Variants in PRKCI observed in about 807,000 individuals in gnomAD.
PRKCI encodes protein kinase C iota type.
PRKCI carries 43 observed loss-of-function variants against 84.0 expected under a neutral mutation model. The ratio of observed to expected loss-of-function variants is 0.51; its 90% CI spans 0.40 to 0.66. PRKCI has a LOEUF of 0.66. PRKCI is among the 30% of genes least tolerant of loss of function. The probability of loss-of-function intolerance (pLI) is 0.00; values close to 1 mark genes in which losing one functional copy is unlikely to be tolerated. For missense variants in PRKCI, 459 were observed against 745.6 expected, an observed-to-expected ratio of 0.62 and a Z score of 4.48; for synonymous variants, 216 against 234.4, an observed-to-expected ratio of 0.92 and a Z score of 0.72.
In PRKCI at chr3:170,300,765, A is replaced by G. The variant is rs184737988; in HGVS notation, c.1703+1655A>G. Among the ~76,000 whole-genome samples the G allele has an allele frequency of 3.3e-5, 5 of 150,678 alleles. No homozygotes were observed. In the South Asian group the frequency reaches 6.3e-4, roughly 19 times the overall value. On this transcript the variant is annotated intron_variant, in intron 17 of 17. Coordinates refer to ENST00000295797, the MANE Select transcript of PRKCI (RefSeq NM_002740.6). ...CCTCCAGCTTTTGAAGGTTGAATCA[A>G]TTTCTTAATTTCTAAATTGTAAAGC...
intron 12 of PRKCI, among the ~76,000 whole-genome samples, chr3:170,286,365 C>T (rs1333350480): frequency 6.6e-6 from 1 of 151,192 alleles, no homozygotes; most frequent in African/African-American, 2.4e-5. Flanking sequence ...GGATTTTTTT[C>T]TCATTTCAGA....
chr3:170,256,339 G>A (rs1378872466), intron 2 of PRKCI, among the ~76,000 whole-genome samples: 6 of 152,038 alleles, frequency 3.9e-5, no homozygotes, highest in African/African-American at 9.7e-5. Flanking sequence ...TTATGGCTTC[G>A]ATCTCATTAC....
At chr3:170,233,887 AT>A (rs1560166270) in intron 1 of PRKCI, among the ~76,000 whole-genome samples, 1 of 151,630 alleles carries the variant, frequency 6.6e-6, no homozygotes, top group Non-Finnish European at 1.5e-5. Context: ...TGCCTGGCTA[AT>A]TTTTGTATTT....
At chr3:170,232,668 ATGATTCTCG>A (rs943287244) in intron 1 of PRKCI, among the ~76,000 whole-genome samples, 1 of 151,966 alleles carries the variant, frequency 6.6e-6, no homozygotes, top group Non-Finnish European at 1.5e-5. Flanking sequence ...CTGGGCTCAA[ATGATTCTCG>A]TGAGTAGCTG....
chr3:170,297,238 T>C, intron 15 of PRKCI, 66 bp from the exon 16 acceptor site: 1 of 1,316,864 alleles, frequency 7.6e-7, no homozygotes, highest in Non-Finnish European at 1.1e-6. Context: ...ACAACACAGA[T>C]CACAAAGATG....
At chr3:170,292,038 G>A in intron 13 of PRKCI, 97 bp downstream of exon 13, 1 of 839,760 alleles carries the variant, frequency 1.2e-6, no homozygotes, top group Non-Finnish European at 2.0e-6. Context: ...ATTTTGACGT[G>A]ATCTTATTAA....
chr3:170,225,599 G>A (rs1560163789), intron 1 of PRKCI, among the ~76,000 whole-genome samples: 1 of 149,320 alleles, frequency 6.7e-6, no homozygotes, highest in Non-Finnish European at 1.5e-5. Flanking sequence ...ATAGAGACAA[G>A]GTCTCACCGT....
chr3:170,271,429 T>C (rs943273833), intron 6 of PRKCI, among the ~76,000 whole-genome samples: 20 of 152,358 alleles, frequency 1.3e-4, no homozygotes, highest in African/African-American at 4.8e-4. Context: ...ATTCTTTATG[T>C]CAAATATCCA....
At chr3:170,246,855 A>G (rs143957573) in intron 2 of PRKCI, among the ~76,000 whole-genome samples, 48 of 152,258 alleles carry the variant, frequency 3.2e-4, no homozygotes, top group African/African-American at 1.1e-3. Context: ...AGTAACCTGT[A>G]TTAAACTTTC....
chr3:170,286,399 T>C (rs1411178193), intron 12 of PRKCI, among the ~76,000 whole-genome samples: 2 of 151,248 alleles, frequency 1.3e-5, no homozygotes, highest in African/African-American at 2.4e-5. Context: ...GATAGAGGAG[T>C]CTTATCCCCA....
At chr3:170,279,685 C>T (rs544609990) in intron 8 of PRKCI, among the ~76,000 whole-genome samples, 1 of 152,258 alleles carries the variant, frequency 6.6e-6, no homozygotes, top group East Asian at 1.9e-4. Context: ...TGTTTTCTGT[C>T]TATAGCATCC....
At chr3:170,227,881 A>T (rs1338917526) in intron 1 of PRKCI, among the ~76,000 whole-genome samples, 2 of 152,198 alleles carry the variant, frequency 1.3e-5, no homozygotes, top group Non-Finnish European at 2.9e-5. Context: ...AGGCTTTTGA[A>T]GTAGTCCAGA....
At chr3:170,229,550 G>C (rs1260198541) in intron 1 of PRKCI, among the ~76,000 whole-genome samples, 1 of 152,158 alleles carries the variant, frequency 6.6e-6, no homozygotes, top group Admixed American at 6.6e-5. Context: ...TCCTGCCTCG[G>C]CCTCTCAAAG....
At position 170,305,008 on chromosome 3, in the gene PRKCI, G is replaced by A. The variant is rs750228365; in HGVS notation, c.*1881G>A. The A allele has an allele frequency of 5.9e-5, 9 of 152,182 alleles. No individual in the cohort carries two copies. Among genetic ancestry groups the A allele is most frequent in the Admixed American group, 4.6e-4 (7 of 15,276 alleles). The allele number at this position is 152,182 out of a possible 1,614,324, so 9.4% of individuals were successfully genotyped here. A position where few individuals can be genotyped will look rare whatever the true frequency, so the allele number is the denominator to read the frequency against. On this transcript the variant is annotated 3_prime_UTR_variant, in exon 18 of 18. Coordinates refer to ENST00000295797, the MANE Select transcript of PRKCI (RefSeq NM_002740.6). Reference sequence around the variant, plus strand: ...ACATAAGTCTGAAAGCAATGAAAACGTCAAAGGAAAATGTTTATATACATC... The same window carrying A: ...ACATAAGTCTGAAAGCAATGAAAACATCAAAGGAAAATGTTTATATACATC...
intron 2 of PRKCI, among the ~76,000 whole-genome samples, chr3:170,256,652 T>G (rs1281390851): frequency 6.6e-6 from 1 of 152,208 alleles, no homozygotes; most frequent in African/African-American, 2.4e-5. Context: ...TGTGTTTTGT[T>G]TCAATTTCAT....
At chr3:170,272,421 T>TA (rs1467377459) in intron 6 of PRKCI, among the ~76,000 whole-genome samples, 2 of 152,190 alleles carry the variant, frequency 1.3e-5, no homozygotes, top group Non-Finnish European at 1.5e-5. Context: ...TTAGAATCTT[T>TA]AATTAGTTCA....
At chr3:170,226,821 T>C (rs951338340) in intron 1 of PRKCI, among the ~76,000 whole-genome samples, 1 of 152,136 alleles carries the variant, frequency 6.6e-6, no homozygotes, top group Non-Finnish European at 1.5e-5. Flanking sequence ...GTCTTAGAGC[T>C]TCAGCCATGG....
intron 1 of PRKCI, among the ~76,000 whole-genome samples, chr3:170,232,031 A>G (rs1389398376): frequency 6.6e-6 from 1 of 152,146 alleles, no homozygotes; most frequent in African/African-American, 2.4e-5. Context: ...AACAAAAGAA[A>G]AAGAACCATG....
At chr3:170,273,720 C>T (rs754456109) in intron 7 of PRKCI, among the ~76,000 whole-genome samples, 2 of 151,600 alleles carry the variant, frequency 1.3e-5, no homozygotes, top group Admixed American at 6.6e-5. Context: ...GAGGCTGAGG[C>T]GGGAAAATCG....
Sources: gnomAD v4.1 joint callset for allele counts (sites outside exome capture counted in the v4.1 genomes callset) on GRCh38, gnomAD v4.1.1 for gene constraint, MANE v1.5 for transcripts, NCBI Gene and HGNC (gene_info 2026-07-23, HGNC 2026-07-21) for gene names.